Variants in PPFIBP2 observed in about 807,000 individuals in gnomAD.
PPFIBP2 encodes PPFIB scaffold protein 2, also known as liprin-beta-2.
Under a neutral mutation model 118.3 loss-of-function variants are expected in PPFIBP2, and 118 were observed. That is an observed-to-expected ratio of 1.00 (90% CI 0.86 to 1.16). PPFIBP2 has a LOEUF of 1.16. Ranked by LOEUF, PPFIBP2 falls within the 50% of genes most tolerant of loss-of-function variation. The pLI, the probability that PPFIBP2 is intolerant of heterozygous loss-of-function variation, is 0.00. For synonymous variants in PPFIBP2, 414 were observed against 397.4 expected (o/e 1.04, Z -0.50); for missense variants, 1,195 against 1,073.1 (o/e 1.11, Z -1.59).
downstream of PPFIBP2, among the ~76,000 whole-genome samples, chr11:7,659,574 G>C (rs1381204472): frequency 7.1e-6 from 1 of 141,554 alleles, no homozygotes; most frequent in Non-Finnish European, 1.5e-5. Context: ...TTTGAAGTCA[G>C]GTAGTGTGAT....
chr11:7,573,344 G>A (rs1400220999), intron 3 of PPFIBP2, among the ~76,000 whole-genome samples: 1 of 152,212 alleles, frequency 6.6e-6, no homozygotes, highest in Non-Finnish European at 1.5e-5. Context: ...ACACTCATCA[G>A]CTAAGAATGA....
rs1271290052 is a variant in PPFIBP2 at position 7,558,855 on chromosome 11, A to C, written c.65-6698A>C. On this transcript the variant is annotated intron_variant, in intron 2 of 23. Coordinates refer to ENST00000299492, the MANE Select transcript of PPFIBP2 (RefSeq NM_003621.5). ...AAAATAATTATTAAATCTTCATTAA[A>C]TTTTGGTTTTGCTCCTTAAAATAAA... Among the ~76,000 whole-genome samples, 3 of 152,302 alleles carry C rather than the reference A, an allele frequency of 2.0e-5. 1 individual carries two copies. The highest frequency in any genetic ancestry group is 6.8e-3 in the Middle Eastern group (2 of 294).
intron 2 of PPFIBP2, among the ~76,000 whole-genome samples, chr11:7,560,370 G>A (rs1168365959): frequency 6.6e-6 from 1 of 152,138 alleles, no homozygotes; most frequent in Non-Finnish European, 1.5e-5. Context: ...TAAAAGTAAT[G>A]AAAATTAATA....
At chr11:7,589,077 T>C (rs1490232283) in intron 3 of PPFIBP2, among the ~76,000 whole-genome samples, 1 of 152,224 alleles carries the variant, frequency 6.6e-6, no homozygotes, top group Non-Finnish European at 1.5e-5. Context: ...CTGTCACATT[T>C]GTAGCAATAA....
chr11:7,581,455 G>A (rs1410273119), intron 3 of PPFIBP2, among the ~76,000 whole-genome samples: 1 of 152,174 alleles, frequency 6.6e-6, no homozygotes, highest in East Asian at 1.9e-4. Flanking sequence ...CCCCCATGCA[G>A]TTGGCTCAGG....
chr11:7,649,075 T>C (rs1853575500), intron 19 of PPFIBP2, 72 bp from the exon 20 acceptor site: 1 of 1,462,732 alleles, frequency 6.8e-7, no homozygotes, highest in African/African-American at 1.4e-5. Context: ...TATAATTTGC[T>C]CCCCTTTTTT....
rs575416960 is a variant in PPFIBP2, at chr11:7,626,419, C to G, written c.826+528C>G. Among the ~76,000 whole-genome samples the G allele has an allele frequency of 1.4e-4, 22 of 152,292 alleles. No individual in the cohort carries two copies. In the East Asian group the frequency reaches 3.7e-3, roughly 25 times the overall value. On this transcript the variant is annotated intron_variant, in intron 8 of 23. Transcript: ENST00000299492. ...GCCACCCTAACTCAAATAGGTGCTC[C>G]CAGTCCTATTATTCTCTAATTCATC...
Position 7,551,156 on chromosome 11 carries a change from A to G in PPFIBP2, c.64+1617A>G, listed in dbSNP as rs1852940610. Among the ~76,000 whole-genome samples the G allele has an allele frequency of 2.6e-5, 4 of 152,234 alleles. No homozygotes were observed. The South Asian group carries it at 8.3e-4, about 32-fold the overall frequency. On this transcript the variant is annotated intron_variant, in intron 2 of 23. Coordinates refer to ENST00000299492, the MANE Select transcript of PPFIBP2 (RefSeq NM_003621.5). ...CTTATTGAGGAGAAAGAGTCAAGAA[A>G]GTGGATTTCCTAGCAATCCTTTTAG...
At chr11:7,578,183 A>G (rs1000030660) in intron 3 of PPFIBP2, among the ~76,000 whole-genome samples, 1 of 152,214 alleles carries the variant, frequency 6.6e-6, no homozygotes, top group African/African-American at 2.4e-5. Flanking sequence ...CCCTTTCTTT[A>G]GAGGATAAAC....
At chr11:7,556,905 G>C (rs1056974338) in intron 2 of PPFIBP2, among the ~76,000 whole-genome samples, 1 of 152,196 alleles carries the variant, frequency 6.6e-6, no homozygotes, top group Admixed American at 6.5e-5. Flanking sequence ...CAGTTTCACT[G>C]TGTTGTTTCT....
At chr11:7,652,227 T>C (rs552279384) in intron 23 of PPFIBP2, among the ~76,000 whole-genome samples, 15 of 152,344 alleles carry the variant, frequency 9.8e-5, no homozygotes, top group African/African-American at 3.6e-4. Context: ...TGGTCAAAGC[T>C]GTCCTGCTGA....
At chr11:7,610,533 T>C (rs764126139) in intron 6 of PPFIBP2, 111 bp downstream of exon 6, 16 of 1,420,736 alleles carry the variant, frequency 1.1e-5, no homozygotes, top group Non-Finnish European at 1.5e-5. Flanking sequence ...GCCAGAAATA[T>C]CTATACACTA....
chr11:7,642,347 G>C lies in PPFIBP2; in HGVS notation c.1567G>C (p.Ala523Pro), dbSNP rs1852312619. 1 of 1,614,128 alleles carries C rather than the reference G, an allele frequency of 6.2e-7. No individual in the cohort carries two copies. Among genetic ancestry groups the C allele is most frequent in the East Asian group, 2.2e-5 (1 of 44,892 alleles). Residue 523 changes from alanine to proline, a missense_variant, in exon 17 of 24, where the codon GCA becomes CCA. Transcript: ENST00000299492. The part of the protein sequence containing the change: ...GNFYTDTLGM[A>P]EFRRGGLRAT... The stretch of plus-strand genomic sequence containing the variant: ...TTTCTACACTGACACGCTGGGGATG[G>C]CAGAGTTTCGACGAGGTGGGCTCCG...
At chr11:7,666,079 A>G in the PPFIBP2 span, 2 of 658,842 alleles carry the variant, frequency 3.0e-6, no homozygotes, top group African/African-American at 1.8e-5. Context: ...GTGGGCGGTA[A>G]GGGGTGTGGT....
chr11:7,603,381 C>G (rs560453071), intron 5 of PPFIBP2, among the ~76,000 whole-genome samples: 2 of 152,306 alleles, frequency 1.3e-5, no homozygotes, highest in South Asian at 2.1e-4. Flanking sequence ...GCCTCAAACT[C>G]GAGTTGACTA....
intron 2 of PPFIBP2, among the ~76,000 whole-genome samples, chr11:7,557,771 G>A (rs1179988337): frequency 6.6e-6 from 1 of 152,158 alleles, no homozygotes; most frequent in East Asian, 1.9e-4. Context: ...ATTTGGGGAT[G>A]CAGATTCATA....
chr11:7,536,956 C>T (rs1188030456), intron 1 of PPFIBP2, among the ~76,000 whole-genome samples: 1 of 151,966 alleles, frequency 6.6e-6, no homozygotes, highest in Non-Finnish European at 1.5e-5. Context: ...TAGGTGGGGA[C>T]CTGAAGTGGG....
intron 5 of PPFIBP2, among the ~76,000 whole-genome samples, chr11:7,604,017 A>T (rs551659809): frequency 1.1e-4 from 16 of 152,274 alleles, no homozygotes; most frequent in African/African-American, 3.9e-4. Flanking sequence ...CTCCAGCAGG[A>T]TTCCACCATG....
chr11:7,529,542 T>C (rs4287322), intron 1 of PPFIBP2, among the ~76,000 whole-genome samples: 38,860 of 152,106 alleles, frequency 0.26, 5,282 homozygotes, highest in Admixed American at 0.4. Flanking sequence ...AGAGTTATTA[T>C]GGGCTCTCTT....
Sources: gnomAD v4.1 joint callset for allele counts (sites outside exome capture counted in the v4.1 genomes callset) on GRCh38, gnomAD v4.1.1 for gene constraint, MANE v1.5 for transcripts, NCBI Gene and HGNC (gene_info 2026-07-23, HGNC 2026-07-21) for gene names.